Variants in RARB observed in about 807,000 individuals in gnomAD.
The protein encoded by RARB is HBV-activated protein.
RARB carries 17 observed loss-of-function variants against 51.9 expected under a neutral mutation model. The observed-to-expected ratio is 0.33, with a 90% CI of 0.22 to 0.49. The LOEUF is 0.49. Ranked by LOEUF, RARB falls within the 20% of genes least tolerant of loss-of-function variation. The pLI is 0.99. For missense variants in RARB, 369 were observed against 550.8 expected (o/e 0.67, Z 3.30); for synonymous variants, 215 against 195.4 (o/e 1.10, Z -0.84).
At position 25,539,856 on chromosome 3, in the gene RARB, T is replaced by A. The variant is rs148005137; in HGVS notation, c.449-29902T>A. On this transcript the variant is annotated intron_variant, in intron 3 of 7. Coordinates refer to ENST00000330688, the MANE Select transcript of RARB (RefSeq NM_000965.5). Reference sequence around the variant, plus strand: ...AAACAATATTAGTTTGAACTGTGGGTCCATTTATATATAAATTAGAGTGAA... The same window carrying A: ...AAACAATATTAGTTTGAACTGTGGGACCATTTATATATAAATTAGAGTGAA... Among the ~76,000 whole-genome samples the A allele has an allele frequency of 3.2e-4, 48 of 152,298 alleles. No individual in the cohort carries two copies. In the East Asian group the frequency reaches 8.1e-3, roughly 26 times the overall value.
At chr3:24,845,629 A>T (rs1164987464) in intron 1 of RARB, among the ~76,000 whole-genome samples, 1 of 152,172 alleles carries the variant, frequency 6.6e-6, no homozygotes, top group East Asian at 1.9e-4. Context: ...ATCATCTATC[A>T]GTCATTGCTA....
intron 2 of RARB, among the ~76,000 whole-genome samples, chr3:24,950,303 A>G (rs537401003): frequency 1.3e-5 from 2 of 152,298 alleles, no homozygotes; most frequent in South Asian, 2.1e-4. Flanking sequence ...TTTGTATTTA[A>G]TTTCACCATC....
At chr3:25,188,757 T>C (rs1407150051) in intron 5 of RARB, among the ~76,000 whole-genome samples, 2 of 10,330 alleles carry the variant, frequency 1.9e-4, no homozygotes, top group Non-Finnish European at 3.3e-4. Context: ...TTACCCACAA[T>C]AGATAATATG....
chr3:24,847,286 A>G (rs1232999253), intron 1 of RARB, among the ~76,000 whole-genome samples: 1 of 152,254 alleles, frequency 6.6e-6, no homozygotes, highest in Middle Eastern at 3.2e-3. Flanking sequence ...CCAATCACAC[A>G]GAATGACTCT....
At chr3:24,909,762 A>C (rs1163345476) in intron 2 of RARB, among the ~76,000 whole-genome samples, 1 of 151,936 alleles carries the variant, frequency 6.6e-6, no homozygotes, top group African/African-American at 2.4e-5. Flanking sequence ...AAAGTATGTA[A>C]CCTGAGTGGT....
At chr3:25,199,519 T>C (rs200457346) in intron 5 of RARB, among the ~76,000 whole-genome samples, 1 of 152,076 alleles carries the variant, frequency 6.6e-6, no homozygotes, top group African/African-American at 2.4e-5. Context: ...TTGTTACATA[T>C]GTATACATGT....
At chr3:25,487,841 G>A (rs1416282275) in intron 2 of RARB, among the ~76,000 whole-genome samples, 3 of 152,182 alleles carry the variant, frequency 2.0e-5, no homozygotes, top group African/African-American at 7.2e-5. Flanking sequence ...CTGTTCTAAT[G>A]TGCCTCTTGT....
chr3:24,919,286 GTTAAA>G (rs1262748178), intron 2 of RARB, among the ~76,000 whole-genome samples: 2 of 152,188 alleles, frequency 1.3e-5, no homozygotes, highest in African/African-American at 2.4e-5. Flanking sequence ...ATTGAGTTGT[GTTAAA>G]TTAAGTTTAG....
intron 5 of RARB, among the ~76,000 whole-genome samples, chr3:25,226,578 G>A (rs908005058): frequency 6.6e-6 from 1 of 152,098 alleles, no homozygotes; most frequent in Non-Finnish European, 1.5e-5. Flanking sequence ...CCACATATAT[G>A]ACAAGTGAAC....
intron 2 of RARB, among the ~76,000 whole-genome samples, chr3:25,035,307 A>T (rs1697965981): frequency 6.6e-6 from 1 of 151,886 alleles, no homozygotes; most frequent in Non-Finnish European, 1.5e-5. Context: ...TTTTCTATAG[A>T]GACAGGGTTT....
At chr3:25,359,975 T>C (rs139062266) in intron 5 of RARB, among the ~76,000 whole-genome samples, 1 of 152,358 alleles carries the variant, frequency 6.6e-6, no homozygotes, top group East Asian at 1.9e-4. Flanking sequence ...GAGAATTCCA[T>C]AGACATCTAC....
chr3:25,096,416 A>G (rs1413147076), intron 3 of RARB, among the ~76,000 whole-genome samples: 1 of 152,186 alleles, frequency 6.6e-6, no homozygotes, highest in Admixed American at 6.5e-5. Context: ...ATCTAAATTT[A>G]TTGTACAGAT....
intron 2 of RARB, among the ~76,000 whole-genome samples, chr3:25,030,984 T>C (rs1215781536): frequency 6.6e-6 from 1 of 152,162 alleles, no homozygotes; most frequent in Non-Finnish European, 1.5e-5. Context: ...CACCTTCTAC[T>C]ATAGGAATGT....
At chr3:25,165,747 G>A (rs566065086) in intron 4 of RARB, among the ~76,000 whole-genome samples, 13 of 152,248 alleles carry the variant, frequency 8.5e-5, no homozygotes, top group South Asian at 2.1e-4. Flanking sequence ...TGTGTGCATT[G>A]CTAGCAGATG....
At chr3:25,368,169 A>G (rs1187917703) in intron 5 of RARB, among the ~76,000 whole-genome samples, 1 of 152,102 alleles carries the variant, frequency 6.6e-6, no homozygotes, top group Non-Finnish European at 1.5e-5. Context: ...TTTCCTTTTT[A>G]ATGTCCTTTC....
Position 24,983,952 on chromosome 3 carries a change from G to A in RARB, c.-379-76173G>A, listed in dbSNP as rs118170397. On this transcript the variant is annotated intron_variant, in intron 2 of 11. Transcript: ENST00000383772. ...AAAATAAACCAAATGAAAAGAGCAA[G>A]CAATTTCCAATTAATTTTCTATTTA... is the stretch of plus-strand genomic sequence containing the variant. 2.4e-3 allele frequency among the ~76,000 whole-genome samples: 364 copies of A among 152,134 alleles called. 15 individuals carry two copies. The East Asian group carries it at 0.055, about 23-fold the overall frequency.
At chr3:25,148,125 G>A (rs1449999289) in intron 4 of RARB, among the ~76,000 whole-genome samples, 1 of 152,150 alleles carries the variant, frequency 6.6e-6, no homozygotes, top group African/African-American at 2.4e-5. Context: ...ATTCCTAACT[G>A]GGTATGTAAG....
At chr3:25,123,521 C>T (rs1265597592) in intron 3 of RARB, among the ~76,000 whole-genome samples, 1 of 152,196 alleles carries the variant, frequency 6.6e-6, no homozygotes, top group East Asian at 1.9e-4. Flanking sequence ...ATATCAAAGC[C>T]ACTTGAAATA....
chr3:25,358,199 C>G lies in RARB; in HGVS notation c.179-102994C>G, dbSNP rs148171396. ...TCTCCTTGAAGAGGTCCTTCACATCCCATGTAAGTTGTATTTCTAGGTATT... is the reference window on the plus strand; with the variant it reads ...TCTCCTTGAAGAGGTCCTTCACATCGCATGTAAGTTGTATTTCTAGGTATT... On this transcript the variant is annotated intron_variant, in intron 5 of 11. Transcript: ENST00000383772. 3.8e-4 allele frequency among the ~76,000 whole-genome samples: 58 copies of G among 152,210 alleles called. 1 individual carries two copies. The East Asian group carries it at 8.5e-3, about 22-fold the overall frequency.
Sources: allele counts gnomAD v4.1 joint callset (sites outside exome capture counted in the v4.1 genomes callset), GRCh38; gene constraint gnomAD v4.1.1; transcripts MANE v1.5; gene names NCBI Gene and HGNC (gene_info 2026-07-23, HGNC 2026-07-21).